Variants in ACOX3 observed in about 807,000 individuals in gnomAD.
ACOX3 encodes acyl-CoA oxidase 3, pristanoyl.
Under a neutral mutation model 81.5 loss-of-function variants are expected in ACOX3, and 73 were observed. The ratio of observed to expected loss-of-function variants is 0.90; its 90% CI spans 0.74 to 1.09. The LOEUF (loss-of-function observed/expected upper bound fraction) is 1.09, where lower values mean the gene tolerates loss of function less well. Among genes scored for constraint, ACOX3 ranks in the 50% least tolerant of loss-of-function variants. The pLI is 0.00. For synonymous variants in ACOX3, 387 were observed against 375.1 expected, an observed-to-expected ratio of 1.03 and a Z score of -0.37; for missense variants, 947 against 928.0, an observed-to-expected ratio of 1.02 and a Z score of -0.27.
chr4:8,376,137 G>C (rs1056292552), intron 14 of ACOX3, among the ~76,000 whole-genome samples: 1 of 152,116 alleles, frequency 6.6e-6, no homozygotes, highest in Non-Finnish European at 1.5e-5. Context: ...CACCAACCGT[G>C]TATCTGTGTC....
intron 16 of ACOX3, among the ~76,000 whole-genome samples, 171 bp downstream of exon 16, chr4:8,373,390 G>T (rs558239102): frequency 8.1e-4 from 122 of 150,734 alleles, no homozygotes; most frequent in Middle Eastern, 6.8e-3. Context: ...GGTGCGTGTC[G>T]GTCTGGGTAA....
intron 10 of ACOX3, among the ~76,000 whole-genome samples, chr4:8,393,707 A>C (rs1317370151): frequency 6.6e-6 from 1 of 152,066 alleles, no homozygotes; most frequent in Non-Finnish European, 1.5e-5. Context: ...TCAACTTCAC[A>C]TAAGGGGCTG....
At position 8,423,377 on chromosome 4, in the gene ACOX3, C is replaced by G. The variant is rs1422405671; in HGVS notation, c.-14-6842G>C. ...GGAATTAATCCTGAAGTCTGGGCAA[C>G]AGAAGGACAATATGGATGAGGGAAG... On this transcript the variant is annotated intron_variant, in intron 1 of 17. Coordinates refer to ENST00000356406, the MANE Select transcript of ACOX3 (RefSeq NM_003501.3). This position sits in a 1 kb window ranked among gnomAD's most constrained non-coding sequence, Gnocchi z 4.2. 1.3e-5 allele frequency among the ~76,000 whole-genome samples: 2 copies of G among 152,110 alleles called. No homozygotes were observed. The highest frequency in any genetic ancestry group is 4.8e-5 in the African/African-American group (2 of 41,408).
Position 8,394,842 on chromosome 4 carries a change from G to A in ACOX3, c.1057-100C>T. The A allele has an allele frequency of 6.9e-7, 1 of 1,455,848 alleles. No individual in the cohort carries two copies. Among genetic ancestry groups the A allele is most frequent in the South Asian group, 1.3e-5 (1 of 74,420 alleles). The allele number at this position is 1,455,848 out of a possible 1,614,324, so 90.2% of individuals were successfully genotyped here. ...GCCAGTGCAGGGAGAGGCCGTCAGG[G>A]CCACACACCCACTAGCGCTGAAGGT... On this transcript the variant is annotated intron_variant, in intron 9 of 17. Transcript: ENST00000356406. The surrounding 1 kb of genome is among the most constrained non-coding windows in gnomAD (Gnocchi z 5.9).
chr4:8,375,978 A>T lies in ACOX3; in HGVS notation c.1654-826T>A, dbSNP rs560740505. Among the ~76,000 whole-genome samples the T allele has an allele frequency of 3.9e-5, 6 of 152,270 alleles. No individual in the cohort carries two copies. In the East Asian group the frequency reaches 9.7e-4, roughly 25 times the overall value. On this transcript the variant is annotated intron_variant, in intron 14 of 17. Transcript: ENST00000356406. ...GTGAATAGCGCTGCGATGGACATAC[A>T]GGTACATGTATCTGGCTGGCAGGAT...
intron 1 of ACOX3, among the ~76,000 whole-genome samples, chr4:8,424,422 C>T (rs1363379739): frequency 6.6e-6 from 1 of 152,196 alleles, no homozygotes; most frequent in Non-Finnish European, 1.5e-5. Flanking sequence ...TTACACAGGT[C>T]CGAGGGACCA....
chr4:8,410,124 C>G (rs1721559645), intron 6 of ACOX3, 88 bp downstream of exon 6: 1 of 1,493,036 alleles, frequency 6.7e-7, no homozygotes, highest in Middle Eastern at 2.4e-4. Context: ...CATGCCCCAC[C>G]CTTGTTATGA....
chr4:8,372,146 GGA>G (rs1461457828), intron 16 of ACOX3, among the ~76,000 whole-genome samples: 1 of 152,216 alleles, frequency 6.6e-6, no homozygotes, highest in African/African-American at 2.4e-5. Context: ...TGTCCAGGCT[GGA>G]GTGTGATGGT....
At position 8,407,459 on chromosome 4, in the gene ACOX3, G is replaced by A. The variant is rs1468403036; in HGVS notation, c.688-1416C>T. Among the ~76,000 whole-genome samples, 2 of 152,196 alleles carry A rather than the reference G, an allele frequency of 1.3e-5. No homozygotes were observed. Among genetic ancestry groups the A allele is most frequent in the African/African-American group, 4.8e-5 (2 of 41,444 alleles). On this transcript the variant is annotated intron_variant, in intron 6 of 17. Coordinates refer to ENST00000356406, the MANE Select transcript of ACOX3 (RefSeq NM_003501.3). The surrounding 1 kb of genome is among the most constrained non-coding windows in gnomAD (Gnocchi z 4.6). ...AAGAGATAGGAAGGATCCTCCCCTA[G>A]AGCCTTTAAAGGGAATGCCGCCCTA... is the stretch of plus-strand genomic sequence containing the variant.
chr4:8,373,211 C>T (rs1486847544), intron 16 of ACOX3, among the ~76,000 whole-genome samples: 1 of 151,944 alleles, frequency 6.6e-6, no homozygotes, highest in African/African-American at 2.4e-5. Flanking sequence ...CTGGAGACGC[C>T]CCGACAGGTT....
chr4:8,368,490 C>T lies in ACOX3; in HGVS notation c.1984-1410G>A, dbSNP rs1715752776. Among the ~76,000 whole-genome samples, 1 of 152,210 alleles carries T rather than the reference C, an allele frequency of 6.6e-6. No individual in the cohort carries two copies. Among genetic ancestry groups the T allele is most frequent in the African/African-American group, 2.4e-5 (1 of 41,474 alleles). On this transcript the variant is annotated intron_variant, in intron 17 of 17. Transcript: ENST00000356406. This position sits in a 1 kb window ranked among gnomAD's most constrained non-coding sequence, Gnocchi z 5.9. ...TGAGAAGAAACCCCTCTGCCTGCAC[C>T]CGCTAAATGCACTTAGCAACCCCTC... is the stretch of plus-strand genomic sequence containing the variant.
chr4:8,396,212 C>T (rs1220430128), intron 9 of ACOX3, among the ~76,000 whole-genome samples: 2 of 152,214 alleles, frequency 1.3e-5, no homozygotes, highest in African/African-American at 2.4e-5. Context: ...CAGGGCTGCA[C>T]GCTCAGCTGC....
chr4:8,379,634 C>T (rs886547721), intron 14 of ACOX3, among the ~76,000 whole-genome samples: 3 of 152,144 alleles, frequency 2.0e-5, no homozygotes, highest in African/African-American at 7.2e-5. Flanking sequence ...TGCCAGGTCC[C>T]CAGCATAGAT....
Position 8,375,161 on chromosome 4 carries a change from C to G in ACOX3, c.1654-9G>C, listed in dbSNP as rs1420641132. The G allele has an allele frequency of 5.9e-6, 9 of 1,527,952 alleles. No individual in the cohort carries two copies. The highest frequency in any genetic ancestry group is 8.0e-6 in the Non-Finnish European group (9 of 1,130,786). The allele number at this position is 1,527,952 out of a possible 1,614,324, so 94.6% of individuals were successfully genotyped here. On this transcript the variant is annotated splice_polypyrimidine_tract_variant and intron_variant, in intron 14 of 17. Coordinates refer to ENST00000356406, the MANE Select transcript of ACOX3 (RefSeq NM_003501.3). ...GGACGGCCGTGGGACACCTGGAACA[C>G]AGGACGGCACCGTGAGGACCGTGAG...
rs1444364315 is a variant in ACOX3 at position 8,385,245 on chromosome 4, C to T, written c.1538-3638G>A. ...CCACTGCTCACCTCATATGACCCCA[C>T]TGCCCACCTCACATGACCTCACCAT... On this transcript the variant is annotated intron_variant, in intron 13 of 17. Coordinates refer to ENST00000356406, the MANE Select transcript of ACOX3 (RefSeq NM_003501.3). This position sits in a 1 kb window ranked among gnomAD's most constrained non-coding sequence, Gnocchi z 5.5. Among the ~76,000 whole-genome samples, 1 of 152,162 alleles carries T rather than the reference C, an allele frequency of 6.6e-6. No individual in the cohort carries two copies. The highest frequency in any genetic ancestry group is 1.9e-4 in the East Asian group (1 of 5,174).
At chr4:8,412,237 C>A (rs1721804624) in intron 5 of ACOX3, among the ~76,000 whole-genome samples, 1 of 152,250 alleles carries the variant, frequency 6.6e-6, no homozygotes, top group South Asian at 2.1e-4. Context: ...TAGCCCCACT[C>A]TGAGAAGGAG....
chr4:8,360,596 C>T, the ACOX3 span, among the ~76,000 whole-genome samples: 4 of 151,876 alleles, frequency 2.6e-5, no homozygotes, highest in South Asian at 2.1e-4. Flanking sequence ...CTCAGCCTCC[C>T]GAGTAGGTGG....
chr4:8,408,115 G>GCC (rs1219257256), intron 6 of ACOX3, among the ~76,000 whole-genome samples: 1 of 152,144 alleles, frequency 6.6e-6, no homozygotes, highest in African/African-American at 2.4e-5. Flanking sequence ...GCTGGCTTCT[G>GCC]TTTATGTCTG....
chr4:8,437,368 G>T lies in ACOX3; in HGVS notation c.-15+3280C>A, dbSNP rs1724316270. Among the ~76,000 whole-genome samples the T allele has an allele frequency of 6.6e-6, 1 of 151,940 alleles. No homozygotes were observed. On this transcript the variant is annotated intron_variant, in intron 1 of 17. Coordinates refer to ENST00000356406, the MANE Select transcript of ACOX3 (RefSeq NM_003501.3). The surrounding 1 kb of genome is among the most constrained non-coding windows in gnomAD (Gnocchi z 5.2). The stretch of plus-strand genomic sequence containing the variant: ...CAGCTCTATCTAGAAAAAAAGAGGA[G>T]GCTAGAGACCGGTGCCAAGAGAAGA...
Sources: allele counts gnomAD v4.1 joint callset (sites outside exome capture counted in the v4.1 genomes callset), GRCh38; gene constraint gnomAD v4.1.1; non-coding constraint Gnocchi (gnomAD v3.1); transcripts MANE v1.5; gene names NCBI Gene and HGNC (gene_info 2026-07-23, HGNC 2026-07-21).